PTPRQ: variants seen among roughly 807,000 people sequenced by gnomAD.
The protein encoded by PTPRQ is protein tyrosine phosphatase receptor type Q.
Under a neutral mutation model 246.0 loss-of-function variants are expected in PTPRQ, and 199 were observed. That is an observed-to-expected ratio of 0.81 (90% CI 0.72 to 0.91). The LOEUF is 0.91. PTPRQ is among the 40% of genes least tolerant of loss of function. The pLI, the probability that PTPRQ is intolerant of heterozygous loss-of-function variation, is 0.00. For synonymous variants in PTPRQ, 869 were observed against 853.2 expected (o/e 1.02, Z -0.32); for missense variants, 2,624 against 2,528.4 (o/e 1.04, Z -0.81).
At chr12:80,472,559 T>C (rs1262982688) in intron 8 of PTPRQ, among the ~76,000 whole-genome samples, 4 of 152,174 alleles carry the variant, frequency 2.6e-5, no homozygotes, top group Admixed American at 2.6e-4. Context: ...ACACATTTAG[T>C]ATGGTTTAAC....
chr12:80,562,653 C>A (rs1012670707), intron 25 of PTPRQ, among the ~76,000 whole-genome samples: 6 of 151,934 alleles, frequency 3.9e-5, no homozygotes, highest in Non-Finnish European at 8.8e-5. Flanking sequence ...ATTTGTAGCA[C>A]TAAGTGAATA....
At chr12:80,634,086 G>A (rs1259800930) in intron 34 of PTPRQ, among the ~76,000 whole-genome samples, 1 of 152,086 alleles carries the variant, frequency 6.6e-6, no homozygotes, top group Non-Finnish European at 1.5e-5. Context: ...AACTATTTAT[G>A]TAACTAATCA....
In PTPRQ at chr12:80,545,861, C is replaced by T. The variant is rs368358082; in HGVS notation, c.3874-695C>T. On this transcript the variant is annotated intron_variant, in intron 23 of 44. Transcript: ENST00000644991. ...GAATAAATAAATTTACACAGGAATG[C>T]TGTGGGTATTAAAAATGAATTTAGA... Among the ~76,000 whole-genome samples, 8 of 150,706 alleles carry T rather than the reference C, an allele frequency of 5.3e-5. No individual in the cohort carries two copies. The East Asian group carries it at 1.4e-3, about 26-fold the overall frequency.
At chr12:80,512,805 T>C (rs968834327) in intron 17 of PTPRQ, 2 of 152,324 alleles carry the variant, frequency 1.3e-5, no homozygotes, top group African/African-American at 4.8e-5. Context: ...GAGGTATGCT[T>C]ATCTCATTTT....
Position 80,549,634 on chromosome 12 carries a change from GCTT to G in PTPRQ, c.4189_4191del (p.Leu1397del), listed in dbSNP as rs1896411308. The stretch of plus-strand genomic sequence containing the variant: ...AAGATCACATGTACACTTTCATAAA[GCTT>G]CTTGCCAATACCTCATATGTCTTTA... On this transcript the variant is annotated inframe_deletion, in exon 25 of 45. Coordinates refer to ENST00000644991, the MANE Select transcript of PTPRQ (RefSeq NM_001145026.2). 4 of 1,551,066 alleles carry G rather than the reference GCTT, an allele frequency of 2.6e-6. No individual in the cohort carries two copies. The Admixed American group carries it at 7.9e-5, about 30-fold the overall frequency.
At chr12:80,567,430 A>G (rs1897011666) in intron 25 of PTPRQ, among the ~76,000 whole-genome samples, 1 of 152,214 alleles carries the variant, frequency 6.6e-6, no homozygotes, top group Non-Finnish European at 1.5e-5. Context: ...TGACAAGGGC[A>G]TACACCCATG....
intron 39 of PTPRQ, among the ~76,000 whole-genome samples, chr12:80,661,523 GTATATGTACACACA>G (rs971225398): frequency 2.6e-5 from 4 of 151,024 alleles, no homozygotes; most frequent in African/African-American, 9.7e-5. Context: ...ACATATATGT[GTATATGTACACACA>G]TATATGTACA....
In PTPRQ at chr12:80,670,439, G is replaced by A; in HGVS notation, c.6549G>A (p.Lys2183=). ...GCGCCCCTCTAATTCACTTTGTGAAGTTGGTTCGAGCAAGCAGGGCACATG... is the reference window on the plus strand; with the variant it reads ...GCGCCCCTCTAATTCACTTTGTGAAATTGGTTCGAGCAAGCAGGGCACATG... ...ENSAPLIHFV[K]LVRASRAHDT... The change falls in exon 42 of 45, where the codon AAG becomes AAA. Residue 2183 remains lysine (K), a synonymous_variant. Coordinates refer to ENST00000644991, the MANE Select transcript of PTPRQ (RefSeq NM_001145026.2). The A allele has an allele frequency of 1.3e-6, 2 of 1,551,258 alleles. No homozygotes were observed. The highest frequency in any genetic ancestry group is 1.7e-6 in the Non-Finnish European group (2 of 1,146,606).
intron 17 of PTPRQ, among the ~76,000 whole-genome samples, chr12:80,514,467 A>T (rs1487425723): frequency 6.8e-6 from 1 of 147,682 alleles, no homozygotes; most frequent in Non-Finnish European, 1.5e-5. Flanking sequence ...AGAGACTATT[A>T]CCTGGCACAT....
chr12:80,656,825 G>T (rs1244961547), intron 38 of PTPRQ, among the ~76,000 whole-genome samples: 3 of 148,180 alleles, frequency 2.0e-5, no homozygotes. Context: ...ACTATTTGTT[G>T]TTCCAACGAC....
intron 25 of PTPRQ, among the ~76,000 whole-genome samples, chr12:80,570,740 C>A (rs1257173824): frequency 6.6e-6 from 1 of 152,094 alleles, no homozygotes; most frequent in African/African-American, 2.4e-5. Flanking sequence ...AGTCTTTAAT[C>A]CATCTTGAGT....
At chr12:80,520,910 G>A (rs1342031110) in intron 17 of PTPRQ, among the ~76,000 whole-genome samples, 1 of 151,714 alleles carries the variant, frequency 6.6e-6, no homozygotes, top group Non-Finnish European at 1.5e-5. Flanking sequence ...GGTATTTCTA[G>A]TTCTAGATCC....
At chr12:80,507,598 T>C (rs1403644328) in intron 16 of PTPRQ, among the ~76,000 whole-genome samples, 2 of 151,926 alleles carry the variant, frequency 1.3e-5, no homozygotes, top group African/African-American at 4.8e-5. Context: ...CCCTCTTCTC[T>C]TTTTGCAGGT....
chr12:80,552,651 A>C (rs1209357354), intron 25 of PTPRQ, among the ~76,000 whole-genome samples: 24 of 15,150 alleles, frequency 1.6e-3, no homozygotes, highest in African/African-American at 4.5e-3. Flanking sequence ...AAAATTATAT[A>C]TATATATATA....
intron 39 of PTPRQ, among the ~76,000 whole-genome samples, chr12:80,668,310 T>G (rs1042632150): frequency 6.6e-6 from 1 of 151,930 alleles, no homozygotes; most frequent in Admixed American, 6.6e-5. Flanking sequence ...TACACAAGGA[T>G]GTCATAATAG....
chr12:80,542,833 A>G lies in PTPRQ; in HGVS notation c.3825A>G (p.Val1275=), dbSNP rs1453482618. ...CTCTTCCAGGTGGTATTGTTAAAGT[A>G]TATAGTTTTAAAATTCATGAACATG... ...PSPLPGGIVK[V]YSFKIHEHET... is the part of the protein sequence containing the mutation. Residue 1275 remains valine (V), a synonymous_variant, in exon 23 of 45, where the codon GTA becomes GTG. Transcript: ENST00000644991. 5 of 1,545,222 alleles carry G rather than the reference A, an allele frequency of 3.2e-6. No homozygotes were observed. The highest frequency in any genetic ancestry group is 2.0e-5 in the Admixed American group (1 of 50,142).
intron 16 of PTPRQ, among the ~76,000 whole-genome samples, chr12:80,508,708 T>C (rs1218954443): frequency 6.6e-6 from 1 of 152,156 alleles, no homozygotes; most frequent in Non-Finnish European, 1.5e-5. Context: ...AGAATACATA[T>C]GCCAAAATGA....
intron 25 of PTPRQ, among the ~76,000 whole-genome samples, chr12:80,587,772 T>C (rs1897666879): frequency 6.6e-6 from 1 of 152,188 alleles, no homozygotes; most frequent in African/African-American, 2.4e-5. Flanking sequence ...TATTACAAAC[T>C]CAAACCATAC....
intron 17 of PTPRQ, among the ~76,000 whole-genome samples, chr12:80,513,422 C>T (rs1325097001): frequency 1.3e-5 from 2 of 152,158 alleles, no homozygotes; most frequent in Admixed American, 6.5e-5. Context: ...GCATTCCTCT[C>T]GATGTCCAGC....
Sources: gnomAD v4.1 joint callset for allele counts (sites outside exome capture counted in the v4.1 genomes callset) on GRCh38, gnomAD v4.1.1 for gene constraint, MANE v1.5 for transcripts, NCBI Gene and HGNC (gene_info 2026-07-23, HGNC 2026-07-21) for gene names.